Variants in DMAC2L observed in about 807,000 individuals in gnomAD.
The protein encoded by DMAC2L is ATP synthase subunit s, mitochondrial.
DMAC2L carries 21 observed loss-of-function variants against 22.5 expected under a neutral mutation model. The ratio of observed to expected loss-of-function variants is 0.93; its 90% CI spans 0.66 to 1.34. The LOEUF is 1.34. DMAC2L is among the 40% of genes most tolerant of loss of function. The pLI is 0.00. For missense variants in DMAC2L, 239 were observed against 246.5 expected, an observed-to-expected ratio of 0.97 and a Z score of 0.20; for synonymous variants, 86 against 89.5, an observed-to-expected ratio of 0.96 and a Z score of 0.22.
intron 4 of DMAC2L, chr14:50,322,992 C>G: frequency 7.5e-7 from 1 of 1,327,884 alleles, no homozygotes; most frequent in Non-Finnish European, 9.6e-7. Context: ...GTCAAACTAT[C>G]TTTGTCAAAC....
rs147482193 is a variant in DMAC2L at position 50,321,492 on chromosome 14, T to A, written c.5T>A (p.Met2Lys). The change falls in exon 3 of 6, where the codon ATG (methionine) becomes AAG (lysine). Residue 2 changes from methionine to lysine, a missense_variant. Met to Lys is a moderately conservative substitution (Grantham distance 95, BLOSUM62 -1). Transcript: ENST00000557421. M[M>K]PFGKISQQLC... ...TGTTTTGTGTGTCTAGATCAAATGATGCCGTTTGGAAAAATTTCCCAGCAG... is the reference window on the plus strand; with the variant it reads ...TGTTTTGTGTGTCTAGATCAAATGAAGCCGTTTGGAAAAATTTCCCAGCAG... The A allele has an allele frequency of 4.2e-4, 679 of 1,613,828 alleles. 1 individual carries two copies. The highest frequency in any genetic ancestry group is 4.9e-4 in the Non-Finnish European group (574 of 1,179,864).
chr14:50,325,910 G>C lies in DMAC2L; in HGVS notation c.*187G>C. On this transcript the variant is annotated 3_prime_UTR_variant, in exon 6 of 6. Transcript: ENST00000557421. The stretch of plus-strand genomic sequence containing the variant: ...TCATTAATGTTACTAAGTTGGAAGT[G>C]AGAATTTATGAACATTAATTCATTT... The C allele has an allele frequency of 8.1e-7, 1 of 1,236,810 alleles. No homozygotes were observed. The highest frequency in any genetic ancestry group is 1.0e-6 in the Non-Finnish European group (1 of 984,266). 76.6% of individuals were successfully genotyped at this position (1,236,810 alleles called of 1,614,324 possible).
Position 50,326,238 on chromosome 14 carries a change from A to G in DMAC2L, c.*515A>G, listed in dbSNP as rs2032696173. 7.0e-6 allele frequency: 3 copies of G among 428,814 alleles called. No individual in the cohort carries two copies. The highest frequency in any genetic ancestry group is 1.6e-4 in the East Asian group (1 of 6,358). 26.6% of individuals were successfully genotyped at this position (428,814 alleles called of 1,614,324 possible). On this transcript the variant is annotated 3_prime_UTR_variant, in exon 6 of 6. Coordinates refer to ENST00000557421, the MANE Select transcript of DMAC2L (RefSeq NM_001382507.1). ...AGCGAGACTGTCTCAAAAAAAAAAA[A>G]AAAAGAAAAATGTAAACTAGGTAAC... is the stretch of plus-strand genomic sequence containing the variant.
chr14:50,312,972 T>C (rs2031385896), intron 1 of DMAC2L: 1 of 1,613,688 alleles, frequency 6.2e-7, no homozygotes, highest in Non-Finnish European at 8.5e-7. Context: ...TGCCACCATT[T>C]ATAAGTCTGT....
At chr14:50,322,385 T>TACA (rs2032351878) in intron 3 of DMAC2L, 126 bp from the exon 4 acceptor site, 4 of 1,100,954 alleles carry the variant, frequency 3.6e-6, no homozygotes, top group South Asian at 2.1e-5. Context: ...ATCTCACTAA[T>TACA]TTATCTTCCT....
At chr14:50,311,976 A>G, upstream of DMAC2L, 1 of 1,545,774 alleles carries the variant, frequency 6.5e-7, no homozygotes, top group Non-Finnish European at 8.7e-7. Flanking sequence ...GAGGGGCAGC[A>G]GCGCAGGCGG....
intron 3 of DMAC2L, 94 bp downstream of exon 3, chr14:50,321,688 T>C (rs1318163935): frequency 1.9e-5 from 16 of 853,030 alleles, no homozygotes; most frequent in East Asian, 2.7e-5. Flanking sequence ...TATTTACAGT[T>C]TGTGCAGTGT....
chr14:50,318,154 C>T (rs1021040272), intron 2 of DMAC2L, among the ~76,000 whole-genome samples: 2 of 152,054 alleles, frequency 1.3e-5, no homozygotes, highest in African/African-American at 2.4e-5. Flanking sequence ...TTCTAATTTG[C>T]GTTTAACTGG....
chr14:50,326,726 C>G lies in DMAC2L; in HGVS notation c.*1003C>G. On this transcript the variant is annotated 3_prime_UTR_variant, in exon 6 of 6. Transcript: ENST00000557421. ...AAACAGTAAAAACTAGTGGGCTATG[C>G]TTAGGTTTTTCTTGAAACCTAACAT... 2.0e-6 allele frequency: 2 copies of G among 985,406 alleles called. No homozygotes were observed. Among genetic ancestry groups the G allele is most frequent in the Non-Finnish European group, 2.4e-6 (2 of 829,920 alleles). The allele number at this position is 985,406 out of a possible 1,614,324, so 61.0% of individuals were successfully genotyped here.
At chr14:50,320,067 C>G (rs1296603432) in intron 2 of DMAC2L, among the ~76,000 whole-genome samples, 2 of 152,088 alleles carry the variant, frequency 1.3e-5, no homozygotes, top group Admixed American at 1.3e-4. Context: ...ACAACCGTAA[C>G]AATGCCAATG....
rs374386956 is a variant in DMAC2L, at chr14:50,322,676, C to T, written c.273C>T (p.Asp91=). ...PLDKYKIQAI[D]ATDSCIMSIG... is the part of the protein sequence containing the mutation. ...ACAAATACAAGATTCAGGCGATCGA[C>T]GCCACCGACTCTTGTATCATGAGCA... Residue 91 remains aspartate (D), a synonymous_variant, in exon 4 of 6, where the codon GAC becomes GAT. Transcript: ENST00000557421. The T allele has an allele frequency of 3.1e-6, 5 of 1,614,148 alleles. No homozygotes were observed. The highest frequency in any genetic ancestry group is 2.2e-5 in the East Asian group (1 of 44,884).
rs1409472053 is a variant in DMAC2L, at chr14:50,326,444, T to G, written c.*721T>G. 1 of 984,732 alleles carries G rather than the reference T, an allele frequency of 1.0e-6. No individual in the cohort carries two copies. Among genetic ancestry groups the G allele is most frequent in the African/African-American group, 1.7e-5 (1 of 57,214 alleles). 61.0% of individuals were successfully genotyped at this position (984,732 alleles called of 1,614,324 possible). A position where few individuals can be genotyped will look rare whatever the true frequency, so the allele number is the denominator to read the frequency against. Reference sequence around the variant, plus strand: ...TGCACAATTATGAAAAATTAGAAGCTAAATTACAGATTCATTGATGGAGTC... The same window carrying G: ...TGCACAATTATGAAAAATTAGAAGCGAAATTACAGATTCATTGATGGAGTC... On this transcript the variant is annotated 3_prime_UTR_variant, in exon 6 of 6. Transcript: ENST00000557421.
At position 50,314,832 on chromosome 14, in the gene DMAC2L, C is replaced by T. The variant is rs551684022; in HGVS notation, c.-6+206C>T. Among the ~76,000 whole-genome samples, 18 of 150,964 alleles carry T rather than the reference C, an allele frequency of 1.2e-4. 1 individual carries two copies. The highest frequency in any genetic ancestry group is 2.0e-4 in the East Asian group (1 of 5,084). ...AACTCTCATATTTTTAGTAGAGATG[C>T]GGTTTCGCCATGTTGACCGGGCTGG... On this transcript the variant is annotated intron_variant, in intron 2 of 5. Coordinates refer to ENST00000557421, the MANE Select transcript of DMAC2L (RefSeq NM_001382507.1).
At position 50,326,171 on chromosome 14, in the gene DMAC2L, G is replaced by A; in HGVS notation, c.*448G>A. On this transcript the variant is annotated 3_prime_UTR_variant, in exon 6 of 6. Transcript: ENST00000557421. ...CTTGACTTGGGAGGTGGAGGTTGCA[G>A]GGACCCGAGATTGTGCCACTGCACT... The A allele has an allele frequency of 4.4e-6, 1 of 227,238 alleles. No homozygotes were observed. Among genetic ancestry groups the A allele is most frequent in the Non-Finnish European group, 7.3e-6 (1 of 137,608 alleles). The allele number at this position is 227,238 out of a possible 1,614,324, so 14.1% of individuals were successfully genotyped here.
Position 50,321,119 on chromosome 14 carries a change from C to T in DMAC2L, c.-5-364C>T, listed in dbSNP as rs564092685. ...TGCTCTTTCGGTGATTTTAGTCTGTCATTTTGATGCTGGAAATATAGATGG... is the reference window on the plus strand; with the variant it reads ...TGCTCTTTCGGTGATTTTAGTCTGTTATTTTGATGCTGGAAATATAGATGG... On this transcript the variant is annotated intron_variant, in intron 2 of 5. Transcript: ENST00000557421. Among the ~76,000 whole-genome samples the T allele has an allele frequency of 3.3e-5, 5 of 152,210 alleles. No individual in the cohort carries two copies. In the South Asian group the frequency reaches 1.0e-3, roughly 32 times the overall value.
chr14:50,321,721 A>G (rs1326772516), intron 3 of DMAC2L, 127 bp downstream of exon 3: 5 of 574,988 alleles, frequency 8.7e-6, no homozygotes, highest in Non-Finnish European at 1.5e-5. Flanking sequence ...GTTTACAAAC[A>G]AACAAAACCC....
intron 1 of DMAC2L, 31 bp from the exon 2 acceptor site, chr14:50,314,560 C>T (rs1421351134): frequency 3.5e-5 from 16 of 455,840 alleles, no homozygotes; most frequent in East Asian, 6.9e-5. Flanking sequence ...AGTGTACAGC[C>T]TTTTGTGTGA....
rs551371933 is a variant in DMAC2L, at chr14:50,314,374, C to T, written c.-41-217C>T. Among the ~76,000 whole-genome samples the T allele has an allele frequency of 3.8e-3, 586 of 152,290 alleles. 4 individuals are homozygous for T. The highest frequency in any genetic ancestry group is 6.8e-3 in the Non-Finnish European group (466 of 68,032). ...CCTTCCACCATGATTGTGAGGCCTC[C>T]CCAGCCATGTGGAACTGTAAGTCCA... On this transcript the variant is annotated intron_variant, in intron 1 of 5. Transcript: ENST00000557421.
At chr14:50,314,458 C>A (rs1163678977) in intron 1 of DMAC2L, 133 bp from the exon 2 acceptor site, 14 of 442,314 alleles carry the variant, frequency 3.2e-5, no homozygotes, top group Non-Finnish European at 4.5e-6. Context: ...TGAAAATGGA[C>A]TAATACAAGT....
Sources: allele counts gnomAD v4.1 joint callset (sites outside exome capture counted in the v4.1 genomes callset), GRCh38; gene constraint gnomAD v4.1.1; transcripts MANE v1.5; gene names NCBI Gene and HGNC (gene_info 2026-07-23, HGNC 2026-07-21).